WDR70: variants seen among roughly 807,000 people sequenced by gnomAD.
WDR70 encodes WD repeat domain 70.
WDR70 carries 53 observed loss-of-function variants against 88.6 expected under a neutral mutation model. That is an observed-to-expected ratio of 0.60 (90% CI 0.48 to 0.75). WDR70 has a LOEUF of 0.75. Ranked by LOEUF, WDR70 falls within the 30% of genes least tolerant of loss-of-function variation. WDR70 has a pLI of 0.00. For missense variants in WDR70, 610 were observed against 823.2 expected (o/e 0.74, Z 3.17); for synonymous variants, 280 against 270.0 (o/e 1.04, Z -0.36).
chr5:37,607,232 A>G (rs1255434510), intron 10 of WDR70, among the ~76,000 whole-genome samples: 2 of 151,782 alleles, frequency 1.3e-5, no homozygotes, highest in African/African-American at 4.8e-5. Context: ...GTGAGCCACT[A>G]TGCCTGGCCT....
At chr5:37,560,939 G>C (rs1460358679) in intron 9 of WDR70, among the ~76,000 whole-genome samples, 1 of 151,456 alleles carries the variant, frequency 6.6e-6, no homozygotes, top group Non-Finnish European at 1.5e-5. Context: ...AGCCTCTTGA[G>C]AAGCTAGGAC....
intron 10 of WDR70, among the ~76,000 whole-genome samples, chr5:37,693,417 A>G (rs1257875180): frequency 6.6e-6 from 1 of 152,208 alleles, no homozygotes; most frequent in Admixed American, 6.5e-5. Flanking sequence ...ATCCTAAGCA[A>G]AAAGAACAAA....
intron 10 of WDR70, among the ~76,000 whole-genome samples, chr5:37,647,880 G>A (rs1745280671): frequency 6.6e-6 from 1 of 152,192 alleles, no homozygotes; most frequent in African/African-American, 2.4e-5. Flanking sequence ...TTACATGGCA[G>A]CAGGCAAGAG....
intron 10 of WDR70, among the ~76,000 whole-genome samples, chr5:37,628,608 T>C (rs1299024546): frequency 6.6e-6 from 1 of 152,232 alleles, no homozygotes; most frequent in Non-Finnish European, 1.5e-5. Flanking sequence ...GAGATTCTTA[T>C]AGGCAGAATA....
In WDR70 at chr5:37,392,056, G is replaced by A; in HGVS notation, c.232G>A (p.Glu78Lys). The change falls in exon 4 of 18, where the codon GAA becomes AAA. Residue 78 changes from glutamate to lysine, a missense_variant. Transcript: ENST00000265107. ...AGAGAAAGAATTAAGAAGACAAAAT[G>A]AAGATATTGAGCCAACATCCTCAAG... Reference protein sequence around the residue: ...NREKELRRQNEDIEPTSSRSN... With the variant: ...NREKELRRQNKDIEPTSSRSN... 6.2e-7 allele frequency: 1 copy of A among 1,612,888 alleles called. No individual in the cohort carries two copies. The highest frequency in any genetic ancestry group is 8.5e-7 in the Non-Finnish European group (1 of 1,179,664).
chr5:37,717,130 T>G (rs1320531172), intron 13 of WDR70, among the ~76,000 whole-genome samples: 1 of 152,204 alleles, frequency 6.6e-6, no homozygotes, highest in Non-Finnish European at 1.5e-5. Flanking sequence ...AAAATGGGCT[T>G]TGGTTTAAAA....
intron 10 of WDR70, among the ~76,000 whole-genome samples, chr5:37,634,289 AC>A (rs1744898610): frequency 7.6e-6 from 1 of 131,442 alleles, no homozygotes; most frequent in East Asian, 2.2e-4. Context: ...ACAGTGTGGG[AC>A]CCTGTCTCAA....
At chr5:37,419,315 C>T (rs577423869) in intron 5 of WDR70, among the ~76,000 whole-genome samples, 55 of 151,492 alleles carry the variant, frequency 3.6e-4, no homozygotes, top group Non-Finnish European at 6.0e-4. Flanking sequence ...AAGCGATTCT[C>T]CTGCCTCAGC....
intron 7 of WDR70, among the ~76,000 whole-genome samples, chr5:37,455,591 T>C (rs1255369599): frequency 3.3e-5 from 5 of 150,826 alleles, no homozygotes; most frequent in African/African-American, 1.2e-4. Flanking sequence ...CTCTCTGTTA[T>C]CTGTTCTCCA....
chr5:37,664,895 T>C (rs1017166248), intron 10 of WDR70, among the ~76,000 whole-genome samples: 2 of 152,270 alleles, frequency 1.3e-5, no homozygotes, highest in African/African-American at 4.8e-5. Flanking sequence ...TGGATGTGTT[T>C]AGTATCACTG....
At chr5:37,705,915 G>A (rs1430240674) in intron 13 of WDR70, among the ~76,000 whole-genome samples, 3 of 152,222 alleles carry the variant, frequency 2.0e-5, no homozygotes, top group South Asian at 2.1e-4. Context: ...AATTGGTTAC[G>A]CTCTTCCCAC....
At chr5:37,448,530 T>C (rs1355827419) in intron 7 of WDR70, among the ~76,000 whole-genome samples, 1 of 152,216 alleles carries the variant, frequency 6.6e-6, no homozygotes, top group Admixed American at 6.5e-5. Context: ...CACTTTGATA[T>C]TTCTATTTCA....
intron 9 of WDR70, among the ~76,000 whole-genome samples, chr5:37,573,519 A>G (rs561011590): frequency 2.9e-5 from 4 of 139,248 alleles, no homozygotes; most frequent in Admixed American, 7.1e-5. Context: ...TCCTAATGCT[A>G]TCCCTCCCCC....
At chr5:37,590,916 A>G (rs1743513561) in intron 9 of WDR70, among the ~76,000 whole-genome samples, 1 of 152,210 alleles carries the variant, frequency 6.6e-6, no homozygotes, top group African/African-American at 2.4e-5. Flanking sequence ...GAATTAACCT[A>G]GTAGGCAGAA....
At position 37,406,790 on chromosome 5, in the gene WDR70, C is replaced by T. The variant is rs554148643; in HGVS notation, c.492+10220C>T. Among the ~76,000 whole-genome samples, 10 of 152,282 alleles carry T rather than the reference C, an allele frequency of 6.6e-5. No individual in the cohort carries two copies. The South Asian group carries it at 1.9e-3, about 28-fold the overall frequency. On this transcript the variant is annotated intron_variant, in intron 5 of 17. Transcript: ENST00000265107. ...AACTTTCGTATCATTTGAAGGAATT[C>T]ACTCATGCATCATACCAACAGTCAG... is the stretch of plus-strand genomic sequence containing the variant.
intron 9 of WDR70, among the ~76,000 whole-genome samples, chr5:37,517,806 C>A (rs930658640): frequency 1.3e-5 from 2 of 148,678 alleles, no homozygotes; most frequent in African/African-American, 4.9e-5. Context: ...CTTCGTGTTA[C>A]AAACAATCCA....
At chr5:37,636,084 G>C (rs1372427643) in intron 10 of WDR70, among the ~76,000 whole-genome samples, 1 of 152,058 alleles carries the variant, frequency 6.6e-6, no homozygotes, top group African/African-American at 2.4e-5. Flanking sequence ...CCCAGTCTCT[G>C]GTATGTCTTT....
intron 3 of WDR70, 134 bp downstream of exon 3, chr5:37,381,819 C>T (rs1242438877): frequency 5.4e-6 from 4 of 737,298 alleles, no homozygotes; most frequent in East Asian, 4.5e-5. Context: ...TTAGGGAGGC[C>T]AAGGCGGGCA....
intron 10 of WDR70, among the ~76,000 whole-genome samples, chr5:37,624,292 C>T (rs1169082204): frequency 6.6e-6 from 1 of 152,152 alleles, no homozygotes; most frequent in Non-Finnish European, 1.5e-5. Context: ...TGAGTGAGAA[C>T]ATGTGGAGTT....
Sources: gnomAD v4.1 joint callset for allele counts (sites outside exome capture counted in the v4.1 genomes callset) on GRCh38, gnomAD v4.1.1 for gene constraint, MANE v1.5 for transcripts, NCBI Gene and HGNC (gene_info 2026-07-23, HGNC 2026-07-21) for gene names.